The following CLVS2 variants were observed in gnomAD, a reference collection of about 807,000 sequenced individuals.
CLVS2 encodes the protein clavesin 2.
In CLVS2, 19 loss-of-function variants were observed where a neutral mutation model predicts 29.0. The ratio of observed to expected loss-of-function variants is 0.66; its 90% confidence interval spans 0.46 to 0.96. The LOEUF (loss-of-function observed/expected upper bound fraction) is 0.96. Among genes scored for constraint, CLVS2 ranks in the 40% least tolerant of loss-of-function variants. The pLI is 0.00. For synonymous variants in CLVS2, 161 were observed against 151.3 expected (o/e 1.06, Z -0.47); for missense variants, 294 against 404.1 (o/e 0.73, Z 2.34).
At chr6:123,058,420 C>T (rs1772726237) in intron 5 of CLVS2, among the ~76,000 whole-genome samples, 1 of 152,090 alleles carries the variant, frequency 6.6e-6, no homozygotes, top group Admixed American at 6.6e-5. Flanking sequence ...AGCCATTCTG[C>T]CTGAGGCATG....
At chr6:123,060,630 T>A (rs1276098289) in intron 5 of CLVS2, among the ~76,000 whole-genome samples, 1 of 152,212 alleles carries the variant, frequency 6.6e-6, no homozygotes, top group Admixed American at 6.5e-5. Flanking sequence ...AAAGTAGCAA[T>A]GCTAATATCT....
intron 4 of CLVS2, among the ~76,000 whole-genome samples, chr6:123,052,609 G>A (rs1772628762): frequency 6.6e-6 from 1 of 152,164 alleles, no homozygotes; most frequent in Non-Finnish European, 1.5e-5. Flanking sequence ...TGTAGGGGTA[G>A]AGCTAATCAG....
intron 5 of CLVS2, among the ~76,000 whole-genome samples, chr6:123,058,285 A>G (rs1772724403): frequency 6.6e-6 from 1 of 152,144 alleles, no homozygotes; most frequent in Non-Finnish European, 1.5e-5. Flanking sequence ...ACTGACATAA[A>G]GCCTGCCTAC....
At chr6:123,046,466 C>A (rs1772511581) in intron 3 of CLVS2, among the ~76,000 whole-genome samples, 1 of 152,024 alleles carries the variant, frequency 6.6e-6, no homozygotes, top group Non-Finnish European at 1.5e-5. Context: ...TTGAGACCAG[C>A]CTGACCAACG....
chr6:123,046,456 T>C (rs1772511533), intron 3 of CLVS2, among the ~76,000 whole-genome samples: 1 of 152,176 alleles, frequency 6.6e-6, no homozygotes, highest in African/African-American at 2.4e-5. Context: ...GGTCAGGAGT[T>C]TGAGACCAGC....
chr6:123,061,385 C>T (rs1244360777), intron 5 of CLVS2, among the ~76,000 whole-genome samples: 1 of 151,224 alleles, frequency 6.6e-6, no homozygotes, highest in Non-Finnish European at 1.5e-5. Context: ...TAGAATAAAT[C>T]AATTCATTAA....
At chr6:122,998,232 A>C in intron 2 of CLVS2, 66 bp downstream of exon 2, 1 of 1,497,932 alleles carries the variant, frequency 6.7e-7, no homozygotes, top group Non-Finnish European at 9.0e-7. Context: ...TACCCCGAGT[A>C]GTGTCATGGT....
At chr6:123,041,423 C>T (rs1775232839) in intron 3 of CLVS2, among the ~76,000 whole-genome samples, 2 of 152,158 alleles carry the variant, frequency 1.3e-5, no homozygotes, top group East Asian at 3.9e-4. Context: ...TAGTAGTGTG[C>T]ACCGAGAAGA....
intron 3 of CLVS2, among the ~76,000 whole-genome samples, chr6:123,022,704 C>G (rs561539386): frequency 1.4e-4 from 22 of 151,966 alleles, no homozygotes; most frequent in Non-Finnish European, 2.8e-4. Flanking sequence ...CAGCCTTGAA[C>G]TAAGACTCTT....
At chr6:123,007,042 G>T (rs947540857) in intron 2 of CLVS2, among the ~76,000 whole-genome samples, 2 of 152,108 alleles carry the variant, frequency 1.3e-5, no homozygotes, top group African/African-American at 4.8e-5. Context: ...AATATTTATG[G>T]TTTCTATTAT....
chr6:123,029,753 A>G (rs1329493142), intron 3 of CLVS2, among the ~76,000 whole-genome samples: 1 of 152,198 alleles, frequency 6.6e-6, no homozygotes, highest in African/African-American at 2.4e-5. Context: ...ATGATAAAGA[A>G]TGTATTAAAC....
chr6:123,016,251 G>C (rs1774831678), intron 3 of CLVS2, among the ~76,000 whole-genome samples: 1 of 143,172 alleles, frequency 7.0e-6, no homozygotes, highest in African/African-American at 2.6e-5. Flanking sequence ...TAAGATATCT[G>C]CCTGGAAAGC....
intron 3 of CLVS2, among the ~76,000 whole-genome samples, chr6:123,038,413 A>G (rs1457439167): frequency 6.6e-6 from 1 of 152,160 alleles, no homozygotes; most frequent in African/African-American, 2.4e-5. Flanking sequence ...AGTTTAATTA[A>G]TGCTTACAGT....
At chr6:123,019,710 G>A (rs940866596) in intron 3 of CLVS2, among the ~76,000 whole-genome samples, 1 of 151,990 alleles carries the variant, frequency 6.6e-6, no homozygotes, top group Non-Finnish European at 1.5e-5. Context: ...GTTCTCCAAA[G>A]AAATAGAACA....
chr6:123,059,157 C>G (rs1272299991), intron 5 of CLVS2, among the ~76,000 whole-genome samples: 1 of 151,922 alleles, frequency 6.6e-6, no homozygotes, highest in Non-Finnish European at 1.5e-5. Flanking sequence ...TGTTCTTTTC[C>G]TTCATCTTCA....
At chr6:123,016,835 G>T (rs1339377756) in intron 3 of CLVS2, among the ~76,000 whole-genome samples, 1 of 152,062 alleles carries the variant, frequency 6.6e-6, no homozygotes, top group Non-Finnish European at 1.5e-5. Context: ...CAATCTGCTA[G>T]CTCTGAGAGC....
Position 123,063,760 on chromosome 6 carries a change from A to G in CLVS2, c.983A>G (p.Ter328=), listed in dbSNP as rs745530899. The G allele has an allele frequency of 1.3e-5, 21 of 1,593,236 alleles. No homozygotes were observed. The highest frequency in any genetic ancestry group is 1.7e-5 in the Non-Finnish European group (20 of 1,161,508). The part of the protein sequence containing the change: ...ENMQPLLSLD[*] Reference sequence around the variant, plus strand: ...ATGCAACCATTGCTTTCTCTGGACTAATAACTTCTCTACATCCCCTTCATG... The same window carrying G: ...ATGCAACCATTGCTTTCTCTGGACTGATAACTTCTCTACATCCCCTTCATG... The change falls in exon 6 of 6, where the codon TAA becomes TGA. Residue 328 remains the stop codon, a stop_retained_variant. Coordinates refer to ENST00000275162, the MANE Select transcript of CLVS2 (RefSeq NM_001010852.4).
At chr6:123,047,623 A>G (rs370341580) in intron 3 of CLVS2, among the ~76,000 whole-genome samples, 1 of 152,330 alleles carries the variant, frequency 6.6e-6, no homozygotes, top group South Asian at 2.1e-4. Flanking sequence ...GAACATTTAA[A>G]TTGAAAAAAT....
At chr6:123,056,867 A>G (rs1302813067) in intron 5 of CLVS2, among the ~76,000 whole-genome samples, 1 of 152,226 alleles carries the variant, frequency 6.6e-6, no homozygotes, top group African/African-American at 2.4e-5. Flanking sequence ...AGGTCTAAAC[A>G]TTACTGGTAC....
Sources: allele counts gnomAD v4.1 joint callset (sites outside exome capture counted in the v4.1 genomes callset), GRCh38; gene constraint gnomAD v4.1.1; transcripts MANE v1.5; gene names NCBI Gene and HGNC (gene_info 2026-07-23, HGNC 2026-07-21).